CEP41: variants seen among roughly 807,000 people sequenced by gnomAD.
CEP41 encodes the protein centrosomal protein of 41 kDa.
Under a neutral mutation model 44.3 loss-of-function variants are expected in CEP41, and 32 were observed. That is an observed-to-expected ratio of 0.72 (90% CI 0.54 to 0.97). The LOEUF is 0.97. Among genes scored for constraint, CEP41 ranks in the 50% least tolerant of loss-of-function variants. The probability of loss-of-function intolerance (pLI) is 0.00; values close to 1 mark genes in which losing one functional copy is unlikely to be tolerated. For missense variants in CEP41, 432 were observed against 455.2 expected, an observed-to-expected ratio of 0.95 and a Z score of 0.46; for synonymous variants, 151 against 168.5, an observed-to-expected ratio of 0.90 and a Z score of 0.80.
intron 2 of CEP41, chr7:130,419,183 A>G (rs1179152773): frequency 2.0e-6 from 2 of 985,316 alleles, no homozygotes; most frequent in Non-Finnish European, 1.2e-6. Flanking sequence ...TTGCAATTAT[A>G]CAAATATTTG....
intron 5 of CEP41, among the ~76,000 whole-genome samples, chr7:130,406,394 G>A (rs1325066514): frequency 6.6e-6 from 1 of 152,008 alleles, no homozygotes; most frequent in African/African-American, 2.4e-5. Flanking sequence ...GACCAGCCTG[G>A]CCAACATAGC....
At chr7:130,402,112 G>A (rs1337091919) in intron 7 of CEP41, among the ~76,000 whole-genome samples, 164 bp from the exon 8 acceptor site, 1 of 152,180 alleles carries the variant, frequency 6.6e-6, no homozygotes, top group Non-Finnish European at 1.5e-5. Flanking sequence ...GGGAGGCCAA[G>A]GTGGGTGGAC....
At chr7:130,440,782 G>GGCC in intron 1 of CEP41, 152 bp downstream of exon 1, 29 of 531,080 alleles carry the variant, frequency 5.5e-5, no homozygotes, top group South Asian at 3.0e-4. Context: ...CCCAAGCCCG[G>GGCC]CCCGCCCCGC....
chr7:130,404,223 C>T (rs1382501493), intron 6 of CEP41, among the ~76,000 whole-genome samples: 2 of 151,980 alleles, frequency 1.3e-5, no homozygotes, highest in African/African-American at 2.4e-5. Flanking sequence ...CTTCAGCAGT[C>T]GGAAAAGGGG....
At chr7:130,415,998 T>C (rs1797324142) in intron 3 of CEP41, among the ~76,000 whole-genome samples, 2 of 152,268 alleles carry the variant, frequency 1.3e-5, no homozygotes, top group African/African-American at 4.8e-5. Flanking sequence ...AGCTCCTGAG[T>C]CCACATCTAT....
chr7:130,410,026 C>CTGCTTTTTTTTTTTT (rs1554419040), intron 5 of CEP41, among the ~76,000 whole-genome samples: 1 of 131,850 alleles, frequency 7.6e-6, no homozygotes, highest in Non-Finnish European at 1.6e-5. Flanking sequence ...CTACCTCGGT[C>CTGCTTTTTTTTTTTT]TTCTTTTTTT....
In CEP41 at chr7:130,402,049, A is replaced by G. The variant is rs1796860981; in HGVS notation, c.575-101T>C. On this transcript the variant is annotated intron_variant, in intron 7 of 10. Coordinates refer to ENST00000223208, the MANE Select transcript of CEP41 (RefSeq NM_018718.3). ...AAATCTAAGAGTTAAATACATCTTC[A>G]AAATCCATGAGCTGCTGGGCATGGT... 4.9e-6 allele frequency: 4 copies of G among 811,800 alleles called. No individual in the cohort carries two copies. The South Asian group carries it at 5.6e-5, about 11-fold the overall frequency. 50.3% of individuals were successfully genotyped at this position (811,800 alleles called of 1,614,324 possible).
At chr7:130,421,116 ACCCGAC>A (rs1797495490) in intron 2 of CEP41, 1 of 985,290 alleles carries the variant, frequency 1.0e-6, no homozygotes, top group South Asian at 4.7e-5. Context: ...GGAAGAAACA[ACCCGAC>A]TATAGCAACA....
intron 10 of CEP41, 65 bp downstream of exon 10, chr7:130,399,974 C>T: frequency 9.2e-7 from 1 of 1,087,590 alleles, no homozygotes. Context: ...TGAAGGTTTT[C>T]ATATGATGAG....
Position 130,395,880 on chromosome 7 carries a change from TAA to T in CEP41, c.*3009_*3010del, listed in dbSNP as rs34126172. 2,710 of 405,772 alleles carry T rather than the reference TAA, an allele frequency of 6.7e-3. No individual in the cohort carries two copies. Among genetic ancestry groups the T allele is most frequent in the Admixed American group, 0.01 (362 of 34,484 alleles). The allele number at this position is 405,772 out of a possible 1,614,324, so 25.1% of individuals were successfully genotyped here. A position where few individuals can be genotyped will look rare whatever the true frequency, so the allele number is the denominator to read the frequency against. ...CTGGTCCTGGCTAACCACTAAAGGT[TAA>T]AAAAAAAAAAAAAGATAAAAGATAA... On this transcript the variant is annotated 3_prime_UTR_variant, in exon 11 of 11. Coordinates refer to ENST00000223208, the MANE Select transcript of CEP41 (RefSeq NM_018718.3).
At chr7:130,438,423 G>T (rs1476969884) in intron 1 of CEP41, among the ~76,000 whole-genome samples, 2 of 152,152 alleles carry the variant, frequency 1.3e-5, no homozygotes, top group Non-Finnish European at 2.9e-5. Flanking sequence ...GCCAGGCTTT[G>T]TTGGTGTGCG....
chr7:130,400,795 A>C lies in CEP41; in HGVS notation c.669T>G (p.Ile223Met). 6.2e-7 allele frequency: 1 copy of C among 1,612,434 alleles called. No individual in the cohort carries two copies. The highest frequency in any genetic ancestry group is 8.5e-7 in the Non-Finnish European group (1 of 1,178,938). Residue 223 changes from isoleucine to methionine, a missense_variant, in exon 9 of 11, where the codon ATT becomes ATG. By Grantham distance (10) the Ile-to-Met change is conservative. Coordinates refer to ENST00000223208, the MANE Select transcript of CEP41 (RefSeq NM_018718.3). ...EYKNAHGKII[I>M]LYDDDERLAS... is the part of the protein sequence containing the mutation. ...CCAGCCTTTCATCATCGTCATACAGAATGATGATCTTGCCATGGGCATTTT... is the reference window on the plus strand; with the variant it reads ...CCAGCCTTTCATCATCGTCATACAGCATGATGATCTTGCCATGGGCATTTT...
chr7:130,440,596 T>A, intron 1 of CEP41: 1 of 509,816 alleles, frequency 2.0e-6, no homozygotes, highest in South Asian at 2.1e-5. Context: ...GTGCCATTAG[T>A]GTGCAGCGCT....
intron 6 of CEP41, among the ~76,000 whole-genome samples, chr7:130,403,366 T>C (rs1796914014): frequency 6.6e-6 from 1 of 152,146 alleles, no homozygotes; most frequent in Admixed American, 6.5e-5. Flanking sequence ...AGGCTTTAGA[T>C]TTGGTGGCAT....
At chr7:130,420,919 T>A (rs1797488686) in intron 2 of CEP41, 21 of 978,844 alleles carry the variant, frequency 2.1e-5, no homozygotes, top group Non-Finnish European at 2.5e-5. Context: ...CACACCTGAT[T>A]TTCTTTAAAC....
intron 1 of CEP41, among the ~76,000 whole-genome samples, chr7:130,437,771 A>AAAAAAAAG (rs1798013373): frequency 8.6e-6 from 1 of 116,066 alleles, no homozygotes; most frequent in African/African-American, 3.4e-5. Context: ...TCTCAAAAAA[A>AAAAAAAAG]AAAAAAAAAA....
intron 2 of CEP41, among the ~76,000 whole-genome samples, chr7:130,423,998 C>G (rs1554422841): frequency 6.6e-6 from 1 of 152,154 alleles, no homozygotes; most frequent in Non-Finnish European, 1.5e-5. Context: ...AGGCTTAATG[C>G]AACTCCTATC....
Position 130,395,189 on chromosome 7 carries a change from A to C in CEP41, c.*3702T>G, listed in dbSNP as rs1281548695. 6 of 452,894 alleles carry C rather than the reference A, an allele frequency of 1.3e-5. No individual in the cohort carries two copies. The Admixed American group carries it at 1.4e-4, about 11-fold the overall frequency. 28.1% of individuals were successfully genotyped at this position (452,894 alleles called of 1,614,324 possible). On this transcript the variant is annotated 3_prime_UTR_variant, in exon 11 of 11. Transcript: ENST00000223208. ...TTTCAATAATTATTGTAAATCTAGGAAAGTATTACTACCCAAATGTATTCT... is the reference window on the plus strand; with the variant it reads ...TTTCAATAATTATTGTAAATCTAGGCAAGTATTACTACCCAAATGTATTCT...
chr7:130,405,734 G>A (rs1796988908), intron 5 of CEP41, among the ~76,000 whole-genome samples: 1 of 152,178 alleles, frequency 6.6e-6, no homozygotes, highest in Admixed American at 6.5e-5. Context: ...GCAAGTGCCT[G>A]ATTTTAATCT....
Sources: gnomAD v4.1 joint callset for allele counts (sites outside exome capture counted in the v4.1 genomes callset) on GRCh38, gnomAD v4.1.1 for gene constraint, MANE v1.5 for transcripts, NCBI Gene and HGNC (gene_info 2026-07-23, HGNC 2026-07-21) for gene names.